CSMD1: variants seen among roughly 807,000 people sequenced by gnomAD.
CSMD1 encodes the protein CUB and Sushi multiple domains 1, also known as CUB and sushi domain-containing protein 1.
A neutral mutation model predicts 417.5 loss-of-function variants in CSMD1; 213 were observed. The observed-to-expected ratio is 0.51, with a 90% CI of 0.46 to 0.57. The LOEUF (loss-of-function observed/expected upper bound fraction) is 0.57. Among genes scored for constraint, CSMD1 ranks in the 20% least tolerant of loss-of-function variants. CSMD1 has a pLI of 0.00. For synonymous variants in CSMD1, 2,862 were observed against 1,736.8 expected, an observed-to-expected ratio of 1.65 and a Z score of -16.11; for missense variants, 6,923 against 4,529.7, an observed-to-expected ratio of 1.53 and a Z score of -15.17.
At chr8:3,900,182 CTGGG>C (rs1345113209) in intron 5 of CSMD1, among the ~76,000 whole-genome samples, 1 of 151,926 alleles carries the variant, frequency 6.6e-6, no homozygotes, top group African/African-American at 2.4e-5. Context: ...GACAGTGTAG[CTGGG>C]TAACAGTGCA....
intron 18 of CSMD1, among the ~76,000 whole-genome samples, chr8:3,386,261 G>C (rs1810997081): frequency 6.6e-6 from 1 of 152,220 alleles, no homozygotes; most frequent in African/African-American, 2.4e-5. Context: ...GCTCACCCCT[G>C]CGTTGCTTGG....
intron 5 of CSMD1, among the ~76,000 whole-genome samples, chr8:3,906,381 A>C (rs1430006243): frequency 1.3e-5 from 2 of 152,204 alleles, no homozygotes; most frequent in Non-Finnish European, 2.9e-5. Flanking sequence ...GTCTAGAAAT[A>C]TCCTGTGAAA....
chr8:3,026,460 G>C (rs564905092), intron 51 of CSMD1, among the ~76,000 whole-genome samples: 2 of 147,290 alleles, frequency 1.4e-5, no homozygotes, highest in Non-Finnish European at 3.0e-5. Flanking sequence ...CTGGACCTCA[G>C]TGGACTTCAC....
At chr8:4,312,450 C>CGCGTATATATATAT (rs1563435394) in intron 3 of CSMD1, among the ~76,000 whole-genome samples, 9 of 123,620 alleles carry the variant, frequency 7.3e-5, no homozygotes, top group Non-Finnish European at 1.4e-4. Context: ...TATATATATA[C>CGCGTATATATATAT]GTATATATAT....
chr8:4,055,036 T>C (rs1326055886), intron 3 of CSMD1, among the ~76,000 whole-genome samples: 1 of 152,176 alleles, frequency 6.6e-6, no homozygotes, highest in African/African-American at 2.4e-5. Flanking sequence ...TTTCACAAAC[T>C]TACATGAATA....
intron 3 of CSMD1, among the ~76,000 whole-genome samples, chr8:4,129,104 A>C (rs1185193059): frequency 2.0e-5 from 3 of 151,956 alleles, no homozygotes; most frequent in Admixed American, 6.6e-5. Context: ...AAAACAAAAA[A>C]AACAGAATTT....
At chr8:3,976,795 G>C (rs1292913632) in intron 5 of CSMD1, among the ~76,000 whole-genome samples, 1 of 152,150 alleles carries the variant, frequency 6.6e-6, no homozygotes, top group Admixed American at 6.5e-5. Flanking sequence ...TGCTGCTCAA[G>C]GTCGCATGCC....
At chr8:4,387,074 G>T (rs373132017) in intron 3 of CSMD1, among the ~76,000 whole-genome samples, 3 of 152,122 alleles carry the variant, frequency 2.0e-5, no homozygotes, top group Non-Finnish European at 4.4e-5. Context: ...CGGATGCACA[G>T]AATTTCAAAA....
intron 6 of CSMD1, among the ~76,000 whole-genome samples, chr8:3,712,662 G>C (rs184506911): frequency 6.6e-6 from 1 of 152,102 alleles, no homozygotes; most frequent in African/African-American, 2.4e-5. Context: ...AGGTGAGCTT[G>C]GTTTAGCTTT....
At chr8:3,888,157 G>C (rs73172290) in intron 5 of CSMD1, among the ~76,000 whole-genome samples, 1 of 152,142 alleles carries the variant, frequency 6.6e-6, no homozygotes. Flanking sequence ...TGTATGCAAT[G>C]TTCGTCATCC....
chr8:4,822,832 G>T (rs756248697), intron 1 of CSMD1, among the ~76,000 whole-genome samples: 7 of 151,924 alleles, frequency 4.6e-5, no homozygotes, highest in Non-Finnish European at 8.8e-5. Context: ...TATGTATTTT[G>T]TCCCTTCTGT....
At chr8:3,562,485 G>A (rs1563156366) in intron 10 of CSMD1, among the ~76,000 whole-genome samples, 1 of 143,134 alleles carries the variant, frequency 7.0e-6, no homozygotes, top group African/African-American at 2.5e-5. Flanking sequence ...ACACATTAAG[G>A]TTGAACACAG....
At chr8:3,439,451 G>C (rs996728326) in intron 12 of CSMD1, among the ~76,000 whole-genome samples, 1 of 149,984 alleles carries the variant, frequency 6.7e-6, no homozygotes, top group South Asian at 2.1e-4. Flanking sequence ...TTGGTGAAAG[G>C]TCTTCTGAAC....
Position 3,369,288 on chromosome 8 carries a change from G to C in CSMD1, c.2865C>G (p.Asn955Lys), listed in dbSNP as rs1809799432. ...GAGACACTTCAATGGTCCACGTGCA[G>C]TTTAGAGAGTTTGGATAAAAATCTG... The part of the protein sequence containing the change: ...GFPDFYPNSL[N>K]CTWTIEVSHG... Residue 955 changes from asparagine to lysine, a missense_variant, in exon 19 of 70, where the codon AAC (asparagine) becomes AAG (lysine). Transcript: ENST00000635120. The C allele has an allele frequency of 1.3e-6, 2 of 1,599,954 alleles. No homozygotes were observed. The highest frequency in any genetic ancestry group is 1.7e-6 in the Non-Finnish European group (2 of 1,167,724).
chr8:4,760,591 C>T (rs1811975244), intron 1 of CSMD1, among the ~76,000 whole-genome samples: 1 of 151,832 alleles, frequency 6.6e-6, no homozygotes, highest in African/African-American at 2.4e-5. Flanking sequence ...ATAATTATAC[C>T]TATGAAAAAA....
At chr8:3,360,572 G>C (rs201439057) in intron 20 of CSMD1, among the ~76,000 whole-genome samples, 1 of 152,186 alleles carries the variant, frequency 6.6e-6, no homozygotes, top group East Asian at 1.9e-4. Flanking sequence ...AATATGCTTA[G>C]GTATTGGAAT....
intron 6 of CSMD1, among the ~76,000 whole-genome samples, chr8:3,740,738 C>G (rs1376996905): frequency 6.6e-6 from 1 of 152,146 alleles, no homozygotes; most frequent in Non-Finnish European, 1.5e-5. Context: ...GACTTGGTAC[C>G]TAGTTCCACA....
At chr8:4,218,104 C>A (rs1184366661) in intron 3 of CSMD1, among the ~76,000 whole-genome samples, 1 of 152,306 alleles carries the variant, frequency 6.6e-6, no homozygotes, top group African/African-American at 2.4e-5. Flanking sequence ...TGCAATCGGA[C>A]ATTGGCGATG....
rs1244791464 is a variant in CSMD1, at chr8:4,013,158, T to C, written c.611-15048A>G. 2.6e-5 allele frequency among the ~76,000 whole-genome samples: 4 copies of C among 152,154 alleles called. No individual in the cohort carries two copies. In the East Asian group the frequency reaches 5.8e-4, roughly 22 times the overall value. ...CATTGTGCTCCCACACTGCTCAGTATAGAGGTTAAAGTCCAAAGGCTGATC... is the reference window on the plus strand; with the variant it reads ...CATTGTGCTCCCACACTGCTCAGTACAGAGGTTAAAGTCCAAAGGCTGATC... On this transcript the variant is annotated intron_variant, in intron 4 of 69. Transcript: ENST00000635120.
Sources: allele counts gnomAD v4.1 joint callset (sites outside exome capture counted in the v4.1 genomes callset), GRCh38; gene constraint gnomAD v4.1.1; transcripts MANE v1.5; gene names NCBI Gene and HGNC (gene_info 2026-07-23, HGNC 2026-07-21).